ANK3: variants seen among roughly 807,000 people sequenced by gnomAD.
ANK3 encodes the protein ankyrin-3.
In ANK3, 57 loss-of-function variants were observed where a neutral mutation model predicts 370.9. The observed-to-expected ratio is 0.15, with a 90% confidence interval of 0.12 to 0.19. The LOEUF (loss-of-function observed/expected upper bound fraction) is 0.19. Among genes scored for constraint, ANK3 ranks in the 10% least tolerant of loss-of-function variants. The probability of loss-of-function intolerance (pLI) is 1.00; values close to 1 mark genes in which losing one functional copy is unlikely to be tolerated. For missense variants in ANK3, 4,439 were observed against 5,302.1 expected, an observed-to-expected ratio of 0.84 and a Z score of 5.06; for synonymous variants, 1,929 against 1,946.3, an observed-to-expected ratio of 0.99 and a Z score of 0.23.
chr10:60,116,475 A>G (rs906082161), intron 25 of ANK3, among the ~76,000 whole-genome samples: 7 of 152,342 alleles, frequency 4.6e-5, no homozygotes, highest in African/African-American at 1.7e-4. Context: ...ACAAGCAAAC[A>G]GAAGGAAAGC....
In ANK3 at chr10:60,026,408, TC is replaced by T. The variant is rs1162133334; in HGVS notation, c.*3437del. The T allele has an allele frequency of 1.3e-5, 2 of 152,252 alleles. No homozygotes were observed. The highest frequency in any genetic ancestry group is 6.5e-5 in the Admixed American group (1 of 15,284). The allele number at this position is 152,252 out of a possible 1,614,324, so 9.4% of individuals were successfully genotyped here. On this transcript the variant is annotated 3_prime_UTR_variant, in exon 44 of 44. Coordinates refer to ENST00000280772, the MANE Select transcript of ANK3 (RefSeq NM_020987.5). ...ACACACCTTGTAATATGTCACAGCC[TC>T]TTCAAGCAAATCAAGAATACCAAGA...
intron 2 of ANK3, among the ~76,000 whole-genome samples, chr10:60,439,073 C>A (rs1026047580): frequency 5.3e-5 from 8 of 152,054 alleles, no homozygotes; most frequent in African/African-American, 1.9e-4. Flanking sequence ...GCCAATCCAA[C>A]TGAAGAAAGA....
chr10:60,370,397 C>T (rs2059949581), intron 1 of ANK3, among the ~76,000 whole-genome samples: 1 of 152,158 alleles, frequency 6.6e-6, no homozygotes, highest in South Asian at 2.1e-4. Flanking sequence ...TGATTTTCTT[C>T]TAATTTTCCA....
intron 2 of ANK3, among the ~76,000 whole-genome samples, chr10:60,533,015 G>A (rs1789350124): frequency 6.6e-6 from 1 of 152,136 alleles, no homozygotes; most frequent in Non-Finnish European, 1.5e-5. Context: ...AGTATATCAT[G>A]TTGGAATGCA....
chr10:60,240,225 T>C (rs534075247), intron 7 of ANK3, among the ~76,000 whole-genome samples: 250 of 141,838 alleles, frequency 1.8e-3, no homozygotes, highest in African/African-American at 5.7e-3. Flanking sequence ...CATATATATA[T>C]ACACACATAT....
At chr10:60,342,840 T>C (rs1377992044) in intron 1 of ANK3, among the ~76,000 whole-genome samples, 1 of 152,184 alleles carries the variant, frequency 6.6e-6, no homozygotes, top group Admixed American at 6.5e-5. Flanking sequence ...AGGGGTTCCA[T>C]GACCCAGTAC....
At chr10:60,059,319 C>CGAA (rs1564677967) in intron 41 of ANK3, 21 bp downstream of exon 41, 1 of 1,603,892 alleles carries the variant, frequency 6.2e-7, no homozygotes, top group South Asian at 1.1e-5. Flanking sequence ...GTTCACTTTC[C>CGAA]TTTTTTTGAA....
intron 1 of ANK3, among the ~76,000 whole-genome samples, chr10:60,683,855 G>A (rs1468854598): frequency 1.3e-5 from 2 of 152,168 alleles, no homozygotes; most frequent in African/African-American, 2.4e-5. Flanking sequence ...ATTAAGAAAG[G>A]TAGGCATGCA....
At chr10:60,191,583 CT>C (rs1458673975) in intron 16 of ANK3, among the ~76,000 whole-genome samples, 2 of 152,100 alleles carry the variant, frequency 1.3e-5, no homozygotes, top group African/African-American at 4.8e-5. Context: ...ATAATAGATG[CT>C]GGTGAGGATG....
chr10:60,347,663 A>G (rs2055901288), intron 1 of ANK3, among the ~76,000 whole-genome samples: 1 of 152,114 alleles, frequency 6.6e-6, no homozygotes, highest in Admixed American at 6.6e-5. Flanking sequence ...TGGTGAATTG[A>G]TACAATCATA....
At chr10:60,082,818 G>T in intron 33 of ANK3, 81 bp from the exon 34 acceptor site, 1 of 1,468,510 alleles carries the variant, frequency 6.8e-7, no homozygotes, top group Non-Finnish European at 9.2e-7. Flanking sequence ...AAGCATGGTT[G>T]TTTTATCAAG....
intron 1 of ANK3, among the ~76,000 whole-genome samples, chr10:60,304,622 GAC>G (rs1402152073): frequency 6.6e-6 from 1 of 152,068 alleles, no homozygotes; most frequent in Non-Finnish European, 1.5e-5. Context: ...TAGCCTGGGT[GAC>G]AGAGTGAGGC....
chr10:60,186,780 C>T lies in ANK3; in HGVS notation c.2020G>A (p.Glu674Lys), dbSNP rs866360716. 1 of 1,614,172 alleles carries T rather than the reference C, an allele frequency of 6.2e-7. No homozygotes were observed. The highest frequency in any genetic ancestry group is 1.7e-5 in the Admixed American group (1 of 60,022). The change falls in exon 17 of 44, where the codon GAA becomes AAA. Residue 674 changes from glutamate (E) to lysine (K), a missense_variant. Physicochemically the swap from Glu to Lys is moderately conservative, Grantham distance 56. Coordinates refer to ENST00000280772, the MANE Select transcript of ANK3 (RefSeq NM_020987.5). ...AGCGACACCATGTCCACGTGCCCTT[C>T]CTGAGCTGCGAGATGGACGGAAGCA... is the stretch of plus-strand genomic sequence containing the variant. ...GIASVHLAAQ[E>K]GHVDMVSLLL...
At chr10:60,129,766 CACAA>C (rs2093965186) in intron 25 of ANK3, among the ~76,000 whole-genome samples, 1 of 142,764 alleles carries the variant, frequency 7.0e-6, no homozygotes, top group Admixed American at 6.9e-5. Context: ...CACACACACA[CACAA>C]ACACACACCC....
chr10:60,072,244 T>G lies in ANK3; in HGVS notation c.8637A>C (p.Arg2879Ser). The G allele has an allele frequency of 6.2e-7, 1 of 1,614,132 alleles. No individual in the cohort carries two copies. The highest frequency in any genetic ancestry group is 1.1e-5 in the South Asian group (1 of 91,078). ...KLSHVLVHDV[R>S]ENHIGHPESK... ...TCTCAGGGTGACCAATGTGATTCTCTCTTACATCATGAACAAGTACATGCG... is the reference window on the plus strand; with the variant it reads ...TCTCAGGGTGACCAATGTGATTCTCGCTTACATCATGAACAAGTACATGCG... The change falls in exon 37 of 44, where the codon AGA becomes AGC. Residue 2879 changes from arginine (R) to serine (S), a missense_variant. Transcript: ENST00000280772.
chr10:60,390,655 CAGTA>C (rs1350019695), upstream of ANK3, among the ~76,000 whole-genome samples: 1 of 151,594 alleles, frequency 6.6e-6, no homozygotes, highest in Non-Finnish European at 1.5e-5. Context: ...ACAGTATTCA[CAGTA>C]AGCGCTTTAG....
rs573936153 is a variant in ANK3, at chr10:60,076,261, T to C, written c.4620A>G (p.Ile1540Met). Residue 1540 changes from isoleucine to methionine, a missense_variant, in exon 37 of 44, where the codon ATA (isoleucine) becomes ATG (methionine). By Grantham distance (10) the Ile-to-Met change is conservative. This residue lies in a region of ANK3 where 679 missense variants were observed against 791.0 expected (regional missense o/e 0.86). Coordinates refer to ENST00000280772, the MANE Select transcript of ANK3 (RefSeq NM_020987.5). ...NTPSASPLKS[I>M]WSVSTPSPIK... ...TTGGAGAAGGTGTCGAAACAGACCA[T>C]ATTGATTTTAACGGAGAAGCTGATG... is the stretch of plus-strand genomic sequence containing the variant. The C allele has an allele frequency of 5.6e-6, 9 of 1,614,160 alleles. No homozygotes were observed. Among genetic ancestry groups the C allele is most frequent in the African/African-American group, 4.0e-5 (3 of 75,060 alleles).
At chr10:60,716,392 A>C (rs1276639927) in intron 1 of ANK3, among the ~76,000 whole-genome samples, 1 of 152,198 alleles carries the variant, frequency 6.6e-6, no homozygotes, top group African/African-American at 2.4e-5. Context: ...TAGGTTAAAA[A>C]AAAATTTCAA....
intron 1 of ANK3, among the ~76,000 whole-genome samples, chr10:60,331,279 T>C (rs1044373263): frequency 9.2e-5 from 14 of 151,904 alleles, no homozygotes; most frequent in Admixed American, 6.6e-4. Flanking sequence ...AAAAAATCAA[T>C]GTTTATGAAA....
Sources: allele counts gnomAD v4.1 joint callset (sites outside exome capture counted in the v4.1 genomes callset), GRCh38; gene constraint gnomAD v4.1.1; regional missense constraint gnomAD v4.1.1; transcripts MANE v1.5; gene names NCBI Gene and HGNC (gene_info 2026-07-23, HGNC 2026-07-21).